Variants in BUB1B observed in about 807,000 individuals in gnomAD.
The protein encoded by BUB1B is BUB1 mitotic checkpoint serine/threonine kinase B, also known as mitotic checkpoint serine/threonine-protein kinase BUB1 beta.
Under a neutral mutation model 137.7 loss-of-function variants are expected in BUB1B, and 86 were observed. That is an observed-to-expected ratio of 0.62 (90% CI 0.52 to 0.75). The LOEUF (loss-of-function observed/expected upper bound fraction) is 0.75, where lower values mean the gene tolerates loss of function less well. Ranked by LOEUF, BUB1B falls within the 30% of genes least tolerant of loss-of-function variation. The pLI is 0.00. For synonymous variants in BUB1B, 420 were observed against 417.9 expected, an observed-to-expected ratio of 1.00 and a Z score of -0.06; for missense variants, 1,130 against 1,236.9, an observed-to-expected ratio of 0.91 and a Z score of 1.30.
intron 20 of BUB1B, 178 bp from the exon 21 acceptor site, chr15:40,217,318 G>C (rs1440103739): frequency 3.1e-6 from 2 of 646,268 alleles, no homozygotes; most frequent in Non-Finnish European, 2.7e-6. Flanking sequence ...CATTCCTTCC[G>C]CATTGGGTGG....
chr15:40,211,918 G>A (rs1158771998), intron 18 of BUB1B, among the ~76,000 whole-genome samples: 1 of 152,100 alleles, frequency 6.6e-6, no homozygotes, highest in East Asian at 1.9e-4. Flanking sequence ...TGCCTCCCAG[G>A]GTCAAGCGAT....
intron 14 of BUB1B, 110 bp from the exon 15 acceptor site, chr15:40,206,074 G>A: frequency 9.0e-7 from 1 of 1,114,306 alleles, no homozygotes; most frequent in Non-Finnish European, 1.3e-6. Flanking sequence ...TAGATATTCT[G>A]ATATGCTATT....
rs758067530 is a variant in BUB1B at position 40,200,945 on chromosome 15, C to T, written c.1532C>T (p.Ala511Val). The T allele has an allele frequency of 1.6e-5, 26 of 1,613,098 alleles. No homozygotes were observed. The highest frequency in any genetic ancestry group is 3.3e-4 in the Middle Eastern group (2 of 6,076). ...VNCCARETSLAENIWQEQPHS... is the reference protein window; with the variant it reads ...VNCCARETSLVENIWQEQPHS... ...TTTCTTTACAGAGAAACTTCACTTG[C>T]GGAGAACATTTGGCAGGAACAACCT... Residue 511 changes from alanine (A) to valine (V), a missense_variant, in exon 12 of 23, where the codon GCG becomes GTG. By Grantham distance (64) the Ala-to-Val change is moderately conservative. Transcript: ENST00000287598.
intron 5 of BUB1B, among the ~76,000 whole-genome samples, chr15:40,177,046 A>G (rs759985383): frequency 1.3e-5 from 2 of 152,204 alleles, no homozygotes; most frequent in Non-Finnish European, 2.9e-5. Context: ...GAATCGTATA[A>G]TATATAGCCT....
At chr15:40,161,338 C>G in intron 1 of BUB1B, 83 bp downstream of exon 1, 1 of 1,489,590 alleles carries the variant, frequency 6.7e-7, no homozygotes, top group Non-Finnish European at 9.1e-7. Flanking sequence ...TCGGAGCAGT[C>G]GAGGGGGAGA....
At chr15:40,186,963 G>C (rs2037373837) in intron 8 of BUB1B, 1 of 150,864 alleles carries the variant, frequency 6.6e-6, no homozygotes, top group African/African-American at 2.4e-5. Context: ...CTGAAGTGCA[G>C]TGGCACCATC....
intron 21 of BUB1B, 33 bp downstream of exon 21, chr15:40,217,700 G>T: frequency 6.2e-7 from 1 of 1,612,408 alleles, no homozygotes; most frequent in Middle Eastern, 1.7e-4. Flanking sequence ...CAAATATGGA[G>T]AGGGTTTCTT....
At chr15:40,180,599 T>C (rs1046352463) in intron 5 of BUB1B, among the ~76,000 whole-genome samples, 2 of 151,460 alleles carry the variant, frequency 1.3e-5, no homozygotes, top group Non-Finnish European at 2.9e-5. Flanking sequence ...TTAATGATGT[T>C]ATCCCACTGT....
intron 19 of BUB1B, among the ~76,000 whole-genome samples, 173 bp downstream of exon 19, chr15:40,212,821 A>AT (rs751308197): frequency 3.3e-5 from 5 of 152,234 alleles, no homozygotes; most frequent in Middle Eastern, 3.4e-3. Context: ...TCTCTTTGGT[A>AT]TTTTTTTAAC....
rs1368552689 is a variant in BUB1B, at chr15:40,185,278, A to C, written c.865A>C (p.Lys289Gln). 6.2e-7 allele frequency: 1 copy of C among 1,614,038 alleles called. No individual in the cohort carries two copies. Among genetic ancestry groups the C allele is most frequent in the Admixed American group, 1.7e-5 (1 of 60,006 alleles). Residue 289 changes from lysine (K) to glutamine (Q), a missense_variant, in exon 7 of 23, where the codon AAG becomes CAG. By Grantham distance (53) the Lys-to-Gln change is moderately conservative. Transcript: ENST00000287598. ...TGAGGCTTCTACAGCAGAGTTGTCT[A>C]AGCCTACAGTCCAGCCATGGATAGC... The part of the protein sequence containing the change: ...ADEASTAELS[K>Q]PTVQPWIAPP...
intron 5 of BUB1B, among the ~76,000 whole-genome samples, chr15:40,180,448 A>T (rs1232157908): frequency 2.7e-5 from 4 of 150,274 alleles, no homozygotes. Flanking sequence ...GTAGTTTTAG[A>T]AGAGATGGGG....
chr15:40,218,189 G>A (rs906984380), intron 21 of BUB1B, among the ~76,000 whole-genome samples: 1 of 152,186 alleles, frequency 6.6e-6, no homozygotes, highest in Non-Finnish European at 1.5e-5. Context: ...TGGAGTTCAT[G>A]CAAACTCAGT....
rs1416579359 is a variant in BUB1B at position 40,208,759 on chromosome 15, A to G, written c.2132A>G (p.Asn711Ser). The stretch of plus-strand genomic sequence containing the variant: ...ATTCCTGAGAAACTAGAACTTACTA[A>G]TGAGACTTCAGGTAGGATATACATA... ...LQIPEKLELT[N>S]ETSENPTQSP... The change falls in exon 16 of 23, where the codon AAT (asparagine) becomes AGT (serine). Residue 711 changes from asparagine (N) to serine (S), a missense_variant. Asn to Ser is a conservative substitution (Grantham distance 46). Coordinates refer to ENST00000287598, the MANE Select transcript of BUB1B (RefSeq NM_001211.6). The G allele has an allele frequency of 8.1e-6, 13 of 1,612,362 alleles. No homozygotes were observed. The highest frequency in any genetic ancestry group is 9.3e-6 in the Non-Finnish European group (11 of 1,178,604).
In BUB1B at chr15:40,165,162, T is replaced by C; in HGVS notation, c.145T>C (p.Ser49Pro). ...STLQGALAQE[S>P]ACNNTLQQQK... Reference sequence around the variant, plus strand: ...GCTTCAGGGAGCACTGGCACAAGAATCTGCCTGTAACAATACTCTTCAGCA... The same window carrying C: ...GCTTCAGGGAGCACTGGCACAAGAACCTGCCTGTAACAATACTCTTCAGCA... Residue 49 changes from serine (S) to proline (P), a missense_variant, in exon 2 of 23, where the codon TCT (serine) becomes CCT (proline). Transcript: ENST00000287598. The C allele has an allele frequency of 6.2e-7, 1 of 1,614,226 alleles. No homozygotes were observed. The highest frequency in any genetic ancestry group is 8.5e-7 in the Non-Finnish European group (1 of 1,180,040).
Position 40,206,346 on chromosome 15 carries a change from T to A in BUB1B, c.1897T>A (p.Ser633Thr), listed in dbSNP as rs765505645. 3 of 1,614,170 alleles carry A rather than the reference T, an allele frequency of 1.9e-6. No individual in the cohort carries two copies. The highest frequency in any genetic ancestry group is 2.5e-6 in the Non-Finnish European group (3 of 1,180,028). ...GATAATGTCCTTGAAGGATCTCCCT[T>A]CTGATCCTGAGAGACTGTTACCGGA... ...HEIMSLKDLP[S>T]DPERLLPEED... is the part of the protein sequence containing the mutation. Residue 633 changes from serine (S) to threonine (T), a missense_variant, in exon 15 of 23, where the codon TCT becomes ACT. Coordinates refer to ENST00000287598, the MANE Select transcript of BUB1B (RefSeq NM_001211.6).
chr15:40,215,475 A>G (rs2037765195), intron 20 of BUB1B, among the ~76,000 whole-genome samples: 1 of 151,988 alleles, frequency 6.6e-6, no homozygotes, highest in South Asian at 2.1e-4. Context: ...TCTGTCTCAA[A>G]AAAAAAGCCA....
chr15:40,200,745 A>G (rs2037558109), intron 11 of BUB1B, among the ~76,000 whole-genome samples, 186 bp from the exon 12 acceptor site: 1 of 152,204 alleles, frequency 6.6e-6, no homozygotes, highest in Non-Finnish European at 1.5e-5. Context: ...ATCTATTATC[A>G]AATATATTTC....
intron 2 of BUB1B, among the ~76,000 whole-genome samples, chr15:40,165,779 A>G (rs1047276130): frequency 6.6e-6 from 1 of 152,332 alleles, no homozygotes; most frequent in East Asian, 1.9e-4. Context: ...ACAAAAAGAA[A>G]TACTGCCATT....
At chr15:40,187,518 G>A (rs975628114) in intron 8 of BUB1B, among the ~76,000 whole-genome samples, 2 of 151,574 alleles carry the variant, frequency 1.3e-5, no homozygotes, top group African/African-American at 2.4e-5. Flanking sequence ...TTGAGCCCAA[G>A]AATTTGAAGC....
Sources: gnomAD v4.1 joint callset for allele counts (sites outside exome capture counted in the v4.1 genomes callset) on GRCh38, gnomAD v4.1.1 for gene constraint, MANE v1.5 for transcripts, NCBI Gene and HGNC (gene_info 2026-07-23, HGNC 2026-07-21) for gene names.